SCAPER: variants seen among roughly 807,000 people sequenced by gnomAD.
The protein encoded by SCAPER is S phase cyclin A-associated protein in the endoplasmic reticulum.
SCAPER carries 98 observed loss-of-function variants against 182.2 expected under a neutral mutation model. That is an observed-to-expected ratio of 0.54 (90% CI 0.46 to 0.64). SCAPER has a LOEUF of 0.64. Among genes scored for constraint, SCAPER ranks in the 30% least tolerant of loss-of-function variants. The pLI is 0.00. For synonymous variants in SCAPER, 605 were observed against 564.6 expected (o/e 1.07, Z -1.01); for missense variants, 1,432 against 1,690.0 (o/e 0.85, Z 2.68).
rs986289835 is a variant in SCAPER at position 76,856,311 on chromosome 15, C to T, written c.195+1498G>A. Among the ~76,000 whole-genome samples, 15 of 152,086 alleles carry T rather than the reference C, an allele frequency of 9.9e-5. No homozygotes were observed. In the East Asian group the frequency reaches 2.1e-3, roughly 22 times the overall value. On this transcript the variant is annotated intron_variant, in intron 4 of 31. Coordinates refer to ENST00000563290, the MANE Select transcript of SCAPER (RefSeq NM_020843.4). ...AAAGAGGAAAAATAACTATTGGGTA[C>T]TAGGCTTCATACCTGCGTGATGAAA...
At chr15:76,770,986 T>A (rs79977442) in intron 10 of SCAPER, among the ~76,000 whole-genome samples, 7 of 152,258 alleles carry the variant, frequency 4.6e-5, no homozygotes, top group African/African-American at 1.7e-4. Flanking sequence ...ATAAAATGTA[T>A]AATTTTACCT....
intron 5 of SCAPER, among the ~76,000 whole-genome samples, chr15:76,814,376 T>C (rs2066903200): frequency 6.6e-6 from 1 of 152,056 alleles, no homozygotes; most frequent in Admixed American, 6.6e-5. Context: ...AAATCAACAG[T>C]AATCTAAACT....
At chr15:76,408,446 T>C (rs2045027046) in intron 26 of SCAPER, among the ~76,000 whole-genome samples, 1 of 152,124 alleles carries the variant, frequency 6.6e-6, no homozygotes, top group African/African-American at 2.4e-5. Flanking sequence ...TTCCTTATTA[T>C]AAACCATGCT....
intron 8 of SCAPER, among the ~76,000 whole-genome samples, chr15:76,782,739 T>G (rs62028741): frequency 0.077 from 11,747 of 151,824 alleles, 499 homozygotes; most frequent in Middle Eastern, 0.11. Context: ...ACTCAAAACC[T>G]CACAACTACA....
intron 7 of SCAPER, chr15:76,797,558 C>T (rs1331499506): frequency 6.6e-6 from 1 of 152,140 alleles, no homozygotes; most frequent in East Asian, 1.9e-4. Flanking sequence ...GGCCTTGAGG[C>T]TCTAAGAAAG....
At chr15:76,861,259 A>T (rs2071838452) in intron 3 of SCAPER, among the ~76,000 whole-genome samples, 1 of 152,224 alleles carries the variant, frequency 6.6e-6, no homozygotes, top group South Asian at 2.1e-4. Flanking sequence ...TCTTACCACA[A>T]ATTACTCATT....
In SCAPER at chr15:76,507,989, A is replaced by C. The variant is rs78295322; in HGVS notation, c.2839-3015T>G. ...TCGTAATTGTACAGCTGGATGCATG[A>C]AAACAAATTGAACACATTGTGTTAC... is the stretch of plus-strand genomic sequence containing the variant. On this transcript the variant is annotated intron_variant, in intron 23 of 31. Coordinates refer to ENST00000563290, the MANE Select transcript of SCAPER (RefSeq NM_020843.4). 9.7e-3 allele frequency among the ~76,000 whole-genome samples: 1,471 copies of C among 152,302 alleles called. 23 individuals are homozygous for C. Among genetic ancestry groups the C allele is most frequent in the African/African-American group, 0.034 (1,424 of 41,554 alleles).
In SCAPER at chr15:76,879,398, CACA is replaced by C. The variant is rs751990473; in HGVS notation, c.6+4411_6+4413del. ...GCCTAAGTCAATCTGCTCGCCTAGC[CACA>C]ACAACTGATCCAGAGGTGAGCATGT... is the stretch of plus-strand genomic sequence containing the variant. On this transcript the variant is annotated intron_variant, in intron 2 of 31. Transcript: ENST00000563290. 5.0e-4 allele frequency among the ~76,000 whole-genome samples: 76 copies of C among 152,254 alleles called. 1 individual carries two copies. The highest frequency in any genetic ancestry group is 2.1e-4 in the South Asian group (1 of 4,820).
At chr15:76,778,763 C>A (rs1290261760) in intron 8 of SCAPER, among the ~76,000 whole-genome samples, 1 of 151,710 alleles carries the variant, frequency 6.6e-6, no homozygotes, top group Non-Finnish European at 1.5e-5. Flanking sequence ...TATGTGTGGT[C>A]AAGCAGGGAG....
Position 76,749,459 on chromosome 15 carries a change from A to G in SCAPER, c.1866+4349T>C, listed in dbSNP as rs138134526. On this transcript the variant is annotated intron_variant, in intron 15 of 31. Transcript: ENST00000563290. ...AGAAAAGATGTCAGCTCTCTTCACA[A>G]CTACTCAACACTGCAGTAGTCCCAG... Among the ~76,000 whole-genome samples the G allele has an allele frequency of 5.1e-4, 78 of 152,232 alleles. 1 individual carries two copies. Among genetic ancestry groups the G allele is most frequent in the African/African-American group, 1.8e-3 (73 of 41,572 alleles).
chr15:76,847,633 T>C (rs1042657272), intron 4 of SCAPER, among the ~76,000 whole-genome samples: 3 of 152,140 alleles, frequency 2.0e-5, no homozygotes, highest in Non-Finnish European at 4.4e-5. Context: ...TTTAAAGCAG[T>C]TCCTCAGCCG....
chr15:76,513,293 A>G (rs2042184707), intron 23 of SCAPER, among the ~76,000 whole-genome samples: 1 of 152,226 alleles, frequency 6.6e-6, no homozygotes, highest in South Asian at 2.1e-4. Context: ...TTAACACAAC[A>G]TAGAGGCATG....
Position 76,772,253 on chromosome 15 carries a change from T to C in SCAPER, c.1036-299A>G, listed in dbSNP as rs114282147. ...GTAGGCCAATTTGTGATGAGTATTT[T>C]GTATCCTTCGCAAATGAAATCTAGT... is the stretch of plus-strand genomic sequence containing the variant. On this transcript the variant is annotated intron_variant, in intron 9 of 31. Transcript: ENST00000563290. Among the ~76,000 whole-genome samples, 1,231 of 152,140 alleles carry C rather than the reference T, an allele frequency of 8.1e-3. 13 individuals carry two copies. Among genetic ancestry groups the C allele is most frequent in the African/African-American group, 0.028 (1,167 of 41,560 alleles).
rs1449930307 is a variant in SCAPER, at chr15:76,893,781, A to G, written c.-59-9905T>C. 1.6e-4 allele frequency among the ~76,000 whole-genome samples: 24 copies of G among 152,238 alleles called. 1 individual carries two copies. Among genetic ancestry groups the G allele is most frequent in the Non-Finnish European group, 3.4e-4 (23 of 68,042 alleles). On this transcript the variant is annotated intron_variant, in intron 1 of 31. Transcript: ENST00000563290. ...AGGAAGAAAACTGGAAAATTCACAA[A>G]TATGTGGAAATTAAACAACACACAA... is the stretch of plus-strand genomic sequence containing the variant.
intron 22 of SCAPER, among the ~76,000 whole-genome samples, chr15:76,605,621 T>G (rs2050318461): frequency 1.3e-5 from 2 of 152,330 alleles, no homozygotes; most frequent in Admixed American, 6.5e-5. Flanking sequence ...TTTGTACCTC[T>G]GGTAGAATTC....
At chr15:76,633,710 TC>T (rs1182818773) in intron 21 of SCAPER, among the ~76,000 whole-genome samples, 2 of 152,092 alleles carry the variant, frequency 1.3e-5, no homozygotes, top group African/African-American at 4.8e-5. Flanking sequence ...CCACAAACTA[TC>T]CCAGCCACTG....
In SCAPER at chr15:76,361,578, T is replaced by A. The variant is rs571857117; in HGVS notation, c.3856-7438A>T. Among the ~76,000 whole-genome samples the A allele has an allele frequency of 3.3e-5, 5 of 152,330 alleles. No homozygotes were observed. In the East Asian group the frequency reaches 9.6e-4, roughly 29 times the overall value. On this transcript the variant is annotated intron_variant, in intron 29 of 31. Coordinates refer to ENST00000563290, the MANE Select transcript of SCAPER (RefSeq NM_020843.4). The stretch of plus-strand genomic sequence containing the variant: ...TGAAATCAGCAATTAGAAAAGACAC[T>A]GCTGGTTTAAATAAATTGACAAGAG...
In SCAPER at chr15:76,408,093, G is replaced by GT. The variant is rs562337879; in HGVS notation, c.3312-3415dup. ...CATAAATGCCTTAATATTTTAAATAGTTTTTTTTAAAATTAGAATCCAAAC... is the reference window on the plus strand; with the variant it reads ...CATAAATGCCTTAATATTTTAAATAGTTTTTTTTTAAAATTAGAATCCAAAC... On this transcript the variant is annotated intron_variant, in intron 26 of 31. Coordinates refer to ENST00000563290, the MANE Select transcript of SCAPER (RefSeq NM_020843.4). Among the ~76,000 whole-genome samples, 379 of 152,006 alleles carry GT rather than the reference G, an allele frequency of 2.5e-3. 2 individuals carry two copies. Among genetic ancestry groups the GT allele is most frequent in the Middle Eastern group, 0.014 (4 of 294 alleles).
chr15:76,867,256 C>T (rs1359788300), intron 2 of SCAPER, among the ~76,000 whole-genome samples: 1 of 152,106 alleles, frequency 6.6e-6, no homozygotes, highest in African/African-American at 2.4e-5. Flanking sequence ...CCACTATCTG[C>T]CCATAAAATG....
Sources: gnomAD v4.1 joint callset for allele counts (sites outside exome capture counted in the v4.1 genomes callset) on GRCh38, gnomAD v4.1.1 for gene constraint, MANE v1.5 for transcripts, NCBI Gene and HGNC (gene_info 2026-07-23, HGNC 2026-07-21) for gene names.